FARS2: variants seen among roughly 807,000 people sequenced by gnomAD.
The protein encoded by FARS2 is phenylalanine--tRNA ligase, mitochondrial.
In FARS2, 40 loss-of-function variants were observed where a neutral mutation model predicts 46.4. That is an observed-to-expected ratio of 0.86 (90% CI 0.67 to 1.12). The LOEUF (loss-of-function observed/expected upper bound fraction) is 1.12. Among genes scored for constraint, FARS2 ranks in the 50% most tolerant of loss-of-function variants. The probability of loss-of-function intolerance (pLI) is 0.00; values close to 1 mark genes in which losing one functional copy is unlikely to be tolerated. For missense variants in FARS2, 513 were observed against 567.9 expected, an observed-to-expected ratio of 0.90 and a Z score of 0.98; for synonymous variants, 234 against 214.9, an observed-to-expected ratio of 1.09 and a Z score of -0.78.
intron 5 of FARS2, among the ~76,000 whole-genome samples, chr6:5,606,023 A>G (rs1034256047): frequency 6.6e-5 from 10 of 152,172 alleles, no homozygotes; most frequent in Non-Finnish European, 1.3e-4. Flanking sequence ...CACACAGAAT[A>G]AAACCTAAAC....
At chr6:5,384,323 A>T (rs1479674693) in intron 2 of FARS2, among the ~76,000 whole-genome samples, 1 of 152,256 alleles carries the variant, frequency 6.6e-6, no homozygotes, top group Non-Finnish European at 1.5e-5. Flanking sequence ...TAATAAAAGC[A>T]GGCAAAGCAA....
At chr6:5,509,229 G>A (rs1768283624) in intron 4 of FARS2, among the ~76,000 whole-genome samples, 1 of 152,252 alleles carries the variant, frequency 6.6e-6, no homozygotes, top group Non-Finnish European at 1.5e-5. Context: ...TGAGAACACT[G>A]TCTTCCTGAG....
chr6:5,552,122 G>T (rs959425591), intron 5 of FARS2, among the ~76,000 whole-genome samples: 5 of 152,158 alleles, frequency 3.3e-5, no homozygotes, highest in Non-Finnish European at 5.9e-5. Context: ...AGAGTGGTTT[G>T]TCTTTAGGGA....
intron 4 of FARS2, among the ~76,000 whole-genome samples, chr6:5,437,524 A>G (rs1013952897): frequency 6.6e-6 from 1 of 152,144 alleles, no homozygotes; most frequent in African/African-American, 2.4e-5. Context: ...TTTTGAAGCC[A>G]TATTATTAGG....
chr6:5,464,177 C>G (rs1398901095), intron 4 of FARS2, among the ~76,000 whole-genome samples: 2 of 152,210 alleles, frequency 1.3e-5, no homozygotes, highest in Non-Finnish European at 2.9e-5. Context: ...AAGTTAGTCC[C>G]TGTTAAGGGG....
At chr6:5,377,770 G>T (rs576900452) in intron 2 of FARS2, among the ~76,000 whole-genome samples, 46 of 152,174 alleles carry the variant, frequency 3.0e-4, no homozygotes, top group Non-Finnish European at 5.0e-4. Flanking sequence ...GTTCTAGGAT[G>T]ATTTCCTTGC....
chr6:5,315,745 T>TCTTTCTTTCTTTTTTTCTTTCTTTCTTC lies in FARS2; in HGVS notation c.-21-52793_-21-52792insTTTTCTTTCTTTCTTCCTTTCTTTCTTT, dbSNP rs1769455954. Among the ~76,000 whole-genome samples, 21 of 150,322 alleles carry TCTTTCTTTCTTTTTTTCTTTCTTTCTTC rather than the reference T, an allele frequency of 1.4e-4. 1 individual carries two copies. The South Asian group carries it at 2.7e-3, about 20-fold the overall frequency. ...TTCTTTCTTTCTTTCTTTTTTCCTT[T>TCTTTCTTTCTTTTTTTCTTTCTTTCTTC]CTTTCTTTCTTTCTTTTTTTTGGGG... On this transcript the variant is annotated intron_variant, in intron 1 of 6. Coordinates refer to ENST00000274680, the MANE Select transcript of FARS2 (RefSeq NM_006567.5).
chr6:5,269,110 T>C (rs1765760686), intron 1 of FARS2, among the ~76,000 whole-genome samples: 2 of 152,298 alleles, frequency 1.3e-5, no homozygotes, highest in East Asian at 3.9e-4. Flanking sequence ...AATGATAGAC[T>C]GGATTAAGAA....
At position 5,471,794 on chromosome 6, in the gene FARS2, C is replaced by CG. The variant is rs1765819552; in HGVS notation, c.904+40623dup. ...TCTTGTCCCACCAGTGCACATGGTGCGCCCCGTCTGACACCAGGGCGACTT... is the reference window on the plus strand; with the variant it reads ...TCTTGTCCCACCAGTGCACATGGTGCGGCCCCGTCTGACACCAGGGCGACTT... On this transcript the variant is annotated intron_variant, in intron 4 of 6. Coordinates refer to ENST00000274680, the MANE Select transcript of FARS2 (RefSeq NM_006567.5). The surrounding 1 kb of genome is among the most constrained non-coding windows in gnomAD (Gnocchi z 4.1). 6.6e-6 allele frequency among the ~76,000 whole-genome samples: 1 copy of CG among 152,158 alleles called. No individual in the cohort carries two copies.
chr6:5,619,921 C>A (rs1442530433), intron 6 of FARS2, among the ~76,000 whole-genome samples: 1 of 152,164 alleles, frequency 6.6e-6, no homozygotes, highest in African/African-American at 2.4e-5. Flanking sequence ...ATGAGATTCA[C>A]CCATCATCTC....
At chr6:5,485,225 C>T (rs1437868086) in intron 4 of FARS2, among the ~76,000 whole-genome samples, 1 of 152,102 alleles carries the variant, frequency 6.6e-6, no homozygotes, top group Non-Finnish European at 1.5e-5. Context: ...TGTGGTGTCT[C>T]ACTTTTCTCC....
At chr6:5,576,843 T>C (rs568218459) in intron 5 of FARS2, among the ~76,000 whole-genome samples, 1 of 151,940 alleles carries the variant, frequency 6.6e-6, no homozygotes, top group African/African-American at 2.4e-5. Context: ...CATTTTTTTT[T>C]AATTTTGAAC....
chr6:5,512,536 T>A (rs1405886086), intron 4 of FARS2, among the ~76,000 whole-genome samples: 3 of 152,116 alleles, frequency 2.0e-5, no homozygotes, highest in African/African-American at 7.2e-5. Context: ...TGTATTCCAC[T>A]TTGTGTCCTA....
intron 6 of FARS2, among the ~76,000 whole-genome samples, chr6:5,736,941 C>G (rs1582855744): frequency 6.6e-6 from 1 of 152,176 alleles, no homozygotes; most frequent in African/African-American, 2.4e-5. Context: ...CCCATTAGCA[C>G]GTGAGTTTGC....
chr6:5,546,322 C>T (rs1484870290), intron 5 of FARS2, among the ~76,000 whole-genome samples: 1 of 146,650 alleles, frequency 6.8e-6, no homozygotes, highest in Non-Finnish European at 1.5e-5. Context: ...GCGATCTTGG[C>T]TCACTGCAAC....
chr6:5,654,507 C>G (rs182804166), intron 6 of FARS2, among the ~76,000 whole-genome samples: 171 of 152,260 alleles, frequency 1.1e-3, no homozygotes, highest in Non-Finnish European at 1.8e-3. Flanking sequence ...GGATACTGCC[C>G]TTCCCCTTAG....
At chr6:5,507,903 A>G (rs564852074) in intron 4 of FARS2, among the ~76,000 whole-genome samples, 7 of 152,380 alleles carry the variant, frequency 4.6e-5, no homozygotes, top group African/African-American at 1.7e-4. Context: ...ATGGGTGGCC[A>G]GAGCTTATGC....
chr6:5,670,553 A>G lies in FARS2; in HGVS notation c.1217+57233A>G, dbSNP rs1778400914. Among the ~76,000 whole-genome samples the G allele has an allele frequency of 1.3e-5, 2 of 152,236 alleles. 1 individual carries two copies. Among genetic ancestry groups the G allele is most frequent in the South Asian group, 4.1e-4 (2 of 4,834 alleles). Reference sequence around the variant, plus strand: ...TTTTAATGGCAAGATGATTCAGAGCAAATGAAATGTAGAATATCATAATAT... The same window carrying G: ...TTTTAATGGCAAGATGATTCAGAGCGAATGAAATGTAGAATATCATAATAT... On this transcript the variant is annotated intron_variant, in intron 6 of 6. Coordinates refer to ENST00000274680, the MANE Select transcript of FARS2 (RefSeq NM_006567.5).
intron 2 of FARS2, among the ~76,000 whole-genome samples, chr6:5,391,592 A>T (rs1183100075): frequency 6.6e-6 from 1 of 151,954 alleles, no homozygotes; most frequent in Non-Finnish European, 1.5e-5. Flanking sequence ...AATGGCTGGT[A>T]TAAAAATGAC....
Sources: allele counts gnomAD v4.1 joint callset (sites outside exome capture counted in the v4.1 genomes callset), GRCh38; gene constraint gnomAD v4.1.1; non-coding constraint Gnocchi (gnomAD v3.1); transcripts MANE v1.5; gene names NCBI Gene and HGNC (gene_info 2026-07-23, HGNC 2026-07-21).